NALF1: variants seen among roughly 807,000 people sequenced by gnomAD.
NALF1 encodes the protein family with sequence similarity 155 member A.
In NALF1, 3 loss-of-function variants were observed where a neutral mutation model predicts 48.4. That is an observed-to-expected ratio of 0.06 (90% CI 0.03 to 0.16). NALF1 has a LOEUF of 0.16. Among genes scored for constraint, NALF1 ranks in the 10% least tolerant of loss-of-function variants. The probability of loss-of-function intolerance (pLI) is 1.00; values close to 1 mark genes in which losing one functional copy is unlikely to be tolerated. For missense variants in NALF1, 526 were observed against 571.5 expected (o/e 0.92, Z 0.81); for synonymous variants, 262 against 245.7 (o/e 1.07, Z -0.62).
At chr13:107,769,782 C>T (rs2138568875) in intron 1 of NALF1, among the ~76,000 whole-genome samples, 1 of 152,170 alleles carries the variant, frequency 6.6e-6, no homozygotes, top group East Asian at 1.9e-4. Context: ...CTGATTAAAT[C>T]ACCAGCTGTG....
intron 1 of NALF1, among the ~76,000 whole-genome samples, chr13:107,711,665 A>G (rs944923869): frequency 7.2e-5 from 11 of 152,230 alleles, no homozygotes; most frequent in Non-Finnish European, 1.3e-4. Context: ...CACATTGGGA[A>G]TATCCGTGTT....
intron 1 of NALF1, among the ~76,000 whole-genome samples, chr13:107,600,520 C>A (rs1431537850): frequency 1.3e-5 from 2 of 152,050 alleles, no homozygotes; most frequent in African/African-American, 4.8e-5. Context: ...TTCATAAAAA[C>A]AAAATATTTC....
intron 1 of NALF1, among the ~76,000 whole-genome samples, chr13:107,232,974 G>A (rs1288693453): frequency 6.6e-6 from 1 of 152,180 alleles, no homozygotes; most frequent in East Asian, 1.9e-4. Flanking sequence ...CAGGTAGTTA[G>A]TGTCAGTTGC....
intron 1 of NALF1, among the ~76,000 whole-genome samples, chr13:107,488,348 C>G (rs1426674858): frequency 6.6e-6 from 1 of 151,530 alleles, no homozygotes; most frequent in East Asian, 1.9e-4. Flanking sequence ...TTCTCTAGTT[C>G]TTTTAGTTGT....
intron 1 of NALF1, among the ~76,000 whole-genome samples, chr13:107,614,650 G>A (rs1190475983): frequency 1.3e-5 from 2 of 151,570 alleles, no homozygotes; most frequent in East Asian, 3.8e-4. Context: ...ATAAAGATGG[G>A]AGTTTGTCCT....
intron 1 of NALF1, among the ~76,000 whole-genome samples, chr13:107,653,931 GA>G (rs1454223879): frequency 2.0e-5 from 3 of 151,990 alleles, no homozygotes; most frequent in South Asian, 4.1e-4. Context: ...CAGCATTAAA[GA>G]AAAAACTCAA....
intron 1 of NALF1, among the ~76,000 whole-genome samples, chr13:107,313,114 T>C (rs1423798899): frequency 4.0e-5 from 6 of 151,878 alleles, no homozygotes; most frequent in Admixed American, 3.9e-4. Context: ...GAGAAATCTC[T>C]AGAAAGCAAC....
chr13:107,199,812 C>T (rs1318702338), intron 2 of NALF1, among the ~76,000 whole-genome samples: 1 of 152,162 alleles, frequency 6.6e-6, no homozygotes, highest in African/African-American at 2.4e-5. Context: ...ATGGAGGACA[C>T]TTTGTTAAAG....
At chr13:107,678,915 T>A (rs534152339) in intron 1 of NALF1, among the ~76,000 whole-genome samples, 1 of 152,266 alleles carries the variant, frequency 6.6e-6, no homozygotes, top group South Asian at 2.1e-4. Context: ...CAAGATGAGA[T>A]TTAAGTGGAG....
chr13:107,337,750 T>G (rs1882587862), intron 1 of NALF1, among the ~76,000 whole-genome samples: 1 of 152,132 alleles, frequency 6.6e-6, no homozygotes, highest in South Asian at 2.1e-4. Context: ...TCATAGCACA[T>G]GTCGAGATTT....
At chr13:107,614,098 G>T (rs1247290901) in intron 1 of NALF1, among the ~76,000 whole-genome samples, 1 of 152,184 alleles carries the variant, frequency 6.6e-6, no homozygotes. Context: ...TTGAGAGGAG[G>T]AGTTTAACGC....
chr13:107,577,609 A>G (rs1299631324), intron 1 of NALF1, among the ~76,000 whole-genome samples: 1 of 152,222 alleles, frequency 6.6e-6, no homozygotes, highest in Non-Finnish European at 1.5e-5. Context: ...TCTGTGATTT[A>G]AAGAATGATC....
At chr13:107,376,951 A>C (rs1217749558) in intron 1 of NALF1, among the ~76,000 whole-genome samples, 1 of 152,198 alleles carries the variant, frequency 6.6e-6, no homozygotes, top group Non-Finnish European at 1.5e-5. Context: ...GTTCAGCACA[A>C]TGATGGCTGT....
chr13:107,569,813 A>C (rs1235892712), intron 1 of NALF1, among the ~76,000 whole-genome samples: 1 of 152,154 alleles, frequency 6.6e-6, no homozygotes, highest in Non-Finnish European at 1.5e-5. Context: ...GTTGCCTTAA[A>C]CCTGTCTATC....
At chr13:107,344,757 A>G (rs1029750922) in intron 1 of NALF1, among the ~76,000 whole-genome samples, 1 of 152,170 alleles carries the variant, frequency 6.6e-6, no homozygotes, top group Non-Finnish European at 1.5e-5. Flanking sequence ...CTTTTCCTTT[A>G]ATATCAGGAG....
At chr13:107,210,790 G>A (rs776206161) in intron 1 of NALF1, 35 bp from the exon 2 acceptor site, 7 of 1,487,642 alleles carry the variant, frequency 4.7e-6, no homozygotes, top group Middle Eastern at 1.7e-4. Context: ...ATATAGAGGC[G>A]TGACAACAGT....
At chr13:107,747,274 C>T (rs1432622428) in intron 1 of NALF1, among the ~76,000 whole-genome samples, 2 of 152,170 alleles carry the variant, frequency 1.3e-5, no homozygotes, top group Non-Finnish European at 2.9e-5. Context: ...CTTATCCCTA[C>T]ATGTTTGCAA....
chr13:107,335,313 CA>C (rs1265019592), intron 1 of NALF1, among the ~76,000 whole-genome samples: 2 of 152,118 alleles, frequency 1.3e-5, no homozygotes, highest in Non-Finnish European at 2.9e-5. Context: ...TGATACTTGA[CA>C]ACTTCTATTG....
intron 1 of NALF1, among the ~76,000 whole-genome samples, chr13:107,565,473 T>C (rs1877783870): frequency 6.6e-6 from 1 of 150,478 alleles, no homozygotes. Context: ...AAGAAAGCAA[T>C]GTTCTAATAA....
Sources: gnomAD v4.1 joint callset for allele counts (sites outside exome capture counted in the v4.1 genomes callset) on GRCh38, gnomAD v4.1.1 for gene constraint, MANE v1.5 for transcripts, NCBI Gene and HGNC (gene_info 2026-07-23, HGNC 2026-07-21) for gene names.